Variants in ZFHX3 observed in about 807,000 individuals in gnomAD.
The protein encoded by ZFHX3 is zinc finger homeobox 3, also known as zinc finger homeobox protein 3.
ZFHX3 carries 42 observed loss-of-function variants against 279.1 expected under a neutral mutation model. The observed-to-expected ratio is 0.15, with a 90% CI of 0.12 to 0.19. ZFHX3 has a LOEUF of 0.19. ZFHX3 is among the 10% of genes least tolerant of loss of function. The pLI is 1.00. For synonymous variants in ZFHX3, 2,293 were observed against 1,957.8 expected, an observed-to-expected ratio of 1.17 and a Z score of -4.52; for missense variants, 4,981 against 4,754.0, an observed-to-expected ratio of 1.05 and a Z score of -1.40.
chr16:73,615,318 C>T (rs112905325), intron 2 of ZFHX3, among the ~76,000 whole-genome samples: 2,776 of 152,022 alleles, frequency 0.018, 92 homozygotes, highest in African/African-American at 0.064. Context: ...AGGGCTTGGT[C>T]AGGGGTAAGA....
intron 2 of ZFHX3, among the ~76,000 whole-genome samples, chr16:73,588,716 A>G (rs981630814): frequency 1.3e-5 from 2 of 151,618 alleles, no homozygotes; most frequent in South Asian, 2.1e-4. Context: ...ACAAAAAAAA[A>G]AAAAACAAGA....
At chr16:73,205,691 G>C (rs1193240088) in intron 5 of ZFHX3, among the ~76,000 whole-genome samples, 2 of 152,080 alleles carry the variant, frequency 1.3e-5, no homozygotes, top group African/African-American at 4.8e-5. Flanking sequence ...GCTCATTTTG[G>C]CTTTCAATTC....
intron 8 of ZFHX3, chr16:73,093,176 T>G (rs1304623757): frequency 1.3e-5 from 7 of 519,844 alleles, no homozygotes; most frequent in Non-Finnish European, 2.7e-5. Flanking sequence ...CAGCAGAGGT[T>G]TTCGGGAAAC....
intron 7 of ZFHX3, chr16:73,127,303 A>G (rs1966585747): frequency 1.6e-6 from 2 of 1,279,328 alleles, no homozygotes; most frequent in South Asian, 1.3e-5. Flanking sequence ...AAGAGGGAAG[A>G]AGGAAACAGC....
chr16:73,446,900 G>C (rs1361922749), intron 3 of ZFHX3, among the ~76,000 whole-genome samples: 1 of 152,044 alleles, frequency 6.6e-6, no homozygotes, highest in Admixed American at 6.6e-5. Context: ...AACAAAAAAG[G>C]CTGGGCACGG....
intron 1 of ZFHX3, among the ~76,000 whole-genome samples, chr16:73,855,095 A>C (rs1961690700): frequency 6.6e-6 from 1 of 151,940 alleles, no homozygotes; most frequent in Non-Finnish European, 1.5e-5. Context: ...AGGACCTTAC[A>C]TTTTTCTGAG....
intron 4 of ZFHX3, among the ~76,000 whole-genome samples, chr16:72,845,259 G>A (rs965270290): frequency 2.6e-5 from 4 of 152,020 alleles, no homozygotes; most frequent in Non-Finnish European, 4.4e-5. Flanking sequence ...GAAAACACTG[G>A]AACCCCCTCC....
chr16:73,477,847 G>A (rs576740334), intron 2 of ZFHX3, among the ~76,000 whole-genome samples: 5 of 152,314 alleles, frequency 3.3e-5, no homozygotes, highest in African/African-American at 1.2e-4. Context: ...AAGTTCAAAG[G>A]AGAACTCTGA....
chr16:73,044,234 G>A (rs1163441782), intron 1 of ZFHX3, among the ~76,000 whole-genome samples: 1 of 152,076 alleles, frequency 6.6e-6, no homozygotes, highest in East Asian at 1.9e-4. Flanking sequence ...TCTCATACCA[G>A]AGCATTTGGA....
intron 1 of ZFHX3, among the ~76,000 whole-genome samples, chr16:72,961,378 C>T (rs1292910397): frequency 1.3e-5 from 2 of 152,226 alleles, no homozygotes; most frequent in African/African-American, 2.4e-5. Flanking sequence ...CATCGGATCA[C>T]GGCCGCTCTG....
At chr16:73,754,249 T>TGCTTTTA (rs1444362935) in intron 1 of ZFHX3, among the ~76,000 whole-genome samples, 1 of 152,228 alleles carries the variant, frequency 6.6e-6, no homozygotes, top group African/African-American at 2.4e-5. Context: ...ACTATCTTAC[T>TGCTTTTA]GCTTTTAGTC....
chr16:73,638,401 T>C (rs1002717934), intron 2 of ZFHX3, among the ~76,000 whole-genome samples: 1 of 152,194 alleles, frequency 6.6e-6, no homozygotes, highest in African/African-American at 2.4e-5. Context: ...TGCAAATACC[T>C]TATTTAACAG....
intron 2 of ZFHX3, among the ~76,000 whole-genome samples, chr16:73,514,080 C>G (rs1388802655): frequency 6.6e-6 from 1 of 152,068 alleles, no homozygotes; most frequent in Non-Finnish European, 1.5e-5. Context: ...AACCCTGTCT[C>G]TACTAAAAAT....
chr16:73,331,037 A>G (rs1388024672), intron 3 of ZFHX3, among the ~76,000 whole-genome samples: 2 of 152,160 alleles, frequency 1.3e-5, no homozygotes, highest in Non-Finnish European at 2.9e-5. Flanking sequence ...AAGACTGGGT[A>G]ATTTATAAAG....
At chr16:73,336,813 G>T (rs945447520) in intron 3 of ZFHX3, among the ~76,000 whole-genome samples, 12 of 152,148 alleles carry the variant, frequency 7.9e-5, no homozygotes, top group Admixed American at 5.9e-4. Flanking sequence ...CGCATCCCCT[G>T]TACTCTCAAG....
At chr16:73,661,573 T>A (rs543567885) in intron 2 of ZFHX3, among the ~76,000 whole-genome samples, 4 of 152,040 alleles carry the variant, frequency 2.6e-5, no homozygotes, top group African/African-American at 9.6e-5. Flanking sequence ...ATACAAAAAA[T>A]TAGTCAGGCG....
intron 2 of ZFHX3, among the ~76,000 whole-genome samples, chr16:73,664,710 A>G (rs1597054821): frequency 6.6e-6 from 1 of 152,172 alleles, no homozygotes. Flanking sequence ...TTATAAAAAC[A>G]CTCCTTTGGA....
intron 3 of ZFHX3, among the ~76,000 whole-genome samples, chr16:73,427,720 G>A (rs564216495): frequency 6.6e-6 from 1 of 152,166 alleles, no homozygotes; most frequent in East Asian, 1.9e-4. Context: ...CAGACCACGA[G>A]GTCAGGAGTT....
chr16:72,885,487 T>C (rs1291170137), intron 4 of ZFHX3, among the ~76,000 whole-genome samples: 1 of 152,234 alleles, frequency 6.6e-6, no homozygotes, highest in African/African-American at 2.4e-5. Context: ...GGCTACATGA[T>C]GAACTGGACC....
Sources: gnomAD v4.1 joint callset for allele counts (sites outside exome capture counted in the v4.1 genomes callset) on GRCh38, gnomAD v4.1.1 for gene constraint, MANE v1.5 for transcripts, NCBI Gene and HGNC (gene_info 2026-07-23, HGNC 2026-07-21) for gene names.